Variants in HCN1 observed in about 807,000 individuals in gnomAD.
HCN1 encodes the protein hyperpolarization activated cyclic nucleotide gated potassium channel 1, also known as potassium/sodium hyperpolarization-activated cyclic nucleotide-gated channel 1.
Under a neutral mutation model 78.9 loss-of-function variants are expected in HCN1, and 13 were observed. That is an observed-to-expected ratio of 0.16 (90% confidence interval 0.11 to 0.26). HCN1 has a LOEUF of 0.26. Among genes scored for constraint, HCN1 ranks in the 10% least tolerant of loss-of-function variants. The pLI is 1.00. For synonymous variants in HCN1, 552 were observed against 455.5 expected (o/e 1.21, Z -2.70); for missense variants, 810 against 1,154.3 (o/e 0.70, Z 4.32).
intron 4 of HCN1, among the ~76,000 whole-genome samples, chr5:45,361,617 G>A (rs1747111342): frequency 6.6e-6 from 1 of 152,110 alleles, no homozygotes; most frequent in Non-Finnish European, 1.5e-5. Context: ...CTTCCATCCA[G>A]AATAATCTCT....
chr5:45,571,354 A>G (rs1353150492), intron 2 of HCN1, among the ~76,000 whole-genome samples: 1 of 152,164 alleles, frequency 6.6e-6, no homozygotes, highest in Admixed American at 6.6e-5. Flanking sequence ...CTGACTCTTA[A>G]AAAGAGAATC....
chr5:45,537,523 CTTTTTTTTTTTTTT>C (rs71000638), intron 2 of HCN1, among the ~76,000 whole-genome samples: 17 of 25,740 alleles, frequency 6.6e-4, no homozygotes, highest in South Asian at 3.9e-3. Context: ...AACTCTAAGT[CTTTTTTTTTTTTTT>C]TTTTTTTTTT....
chr5:45,493,572 G>A (rs993001010), intron 2 of HCN1, among the ~76,000 whole-genome samples: 2 of 150,328 alleles, frequency 1.3e-5, no homozygotes, highest in African/African-American at 4.9e-5. Flanking sequence ...TTTCAATTGT[G>A]TTTCTTTTTT....
chr5:45,615,041 T>C (rs1015443030), intron 2 of HCN1, among the ~76,000 whole-genome samples: 6 of 151,496 alleles, frequency 4.0e-5, no homozygotes, highest in African/African-American at 1.5e-4. Flanking sequence ...ATTGTCTCTA[T>C]ATCTCAATTG....
At chr5:45,363,666 G>T (rs1047154471) in intron 4 of HCN1, among the ~76,000 whole-genome samples, 10 of 151,896 alleles carry the variant, frequency 6.6e-5, no homozygotes, top group African/African-American at 2.2e-4. Flanking sequence ...GGACCCAGGG[G>T]GTGGTAATTA....
intron 3 of HCN1, among the ~76,000 whole-genome samples, chr5:45,453,479 T>A (rs573453074): frequency 1.3e-5 from 2 of 152,216 alleles, no homozygotes; most frequent in African/African-American, 4.8e-5. Flanking sequence ...CAAAACACAA[T>A]GACTTTTCAC....
intron 6 of HCN1, among the ~76,000 whole-genome samples, chr5:45,268,631 C>T (rs1290931488): frequency 2.0e-5 from 3 of 152,160 alleles, no homozygotes; most frequent in East Asian, 1.9e-4. Context: ...GAGAAGGACA[C>T]GTGAACCAGT....
intron 6 of HCN1, among the ~76,000 whole-genome samples, chr5:45,284,359 C>T (rs1023287759): frequency 1.3e-5 from 2 of 152,122 alleles, no homozygotes; most frequent in Admixed American, 6.6e-5. Context: ...CCCTTTCTTT[C>T]CTAACAAACA....
intron 3 of HCN1, among the ~76,000 whole-genome samples, chr5:45,451,928 C>T (rs1053736806): frequency 2.0e-5 from 3 of 151,972 alleles, no homozygotes; most frequent in African/African-American, 7.2e-5. Flanking sequence ...TCTAAATACA[C>T]ATCATTTGCT....
intron 4 of HCN1, among the ~76,000 whole-genome samples, chr5:45,379,635 A>G (rs1241588422): frequency 6.6e-6 from 1 of 152,140 alleles, no homozygotes; most frequent in African/African-American, 2.4e-5. Flanking sequence ...TTAAGAATAC[A>G]AATAAAACAT....
chr5:45,574,425 A>T (rs1743897749), intron 2 of HCN1, among the ~76,000 whole-genome samples: 1 of 152,108 alleles, frequency 6.6e-6, no homozygotes. Flanking sequence ...GCCATGTAAG[A>T]TGACAAACTT....
In HCN1 at chr5:45,455,414, T is replaced by C. The variant is rs1362619360; in HGVS notation, c.1011+6432A>G. 3.9e-5 allele frequency among the ~76,000 whole-genome samples: 6 copies of C among 151,996 alleles called. No homozygotes were observed. In the South Asian group the frequency reaches 1.0e-3, roughly 26 times the overall value. ...TATAGTTTTTAGTACCCAGAAAAGATAGTTTGAATAAAAGCATGTTAGAAT... is the reference window on the plus strand; with the variant it reads ...TATAGTTTTTAGTACCCAGAAAAGACAGTTTGAATAAAAGCATGTTAGAAT... On this transcript the variant is annotated intron_variant, in intron 3 of 7. Coordinates refer to ENST00000303230, the MANE Select transcript of HCN1 (RefSeq NM_021072.4).
intron 3 of HCN1, among the ~76,000 whole-genome samples, chr5:45,452,172 A>T (rs1740932466): frequency 6.6e-6 from 1 of 152,016 alleles, no homozygotes; most frequent in Non-Finnish European, 1.5e-5. Context: ...AATAAATGAT[A>T]ACAGTCCACA....
chr5:45,365,838 T>C (rs1043129954), intron 4 of HCN1, among the ~76,000 whole-genome samples: 6 of 151,930 alleles, frequency 3.9e-5, no homozygotes, highest in Non-Finnish European at 8.8e-5. Flanking sequence ...CACCTATTTG[T>C]TGTCATAAAA....
chr5:45,281,693 T>C (rs752833825), intron 6 of HCN1, among the ~76,000 whole-genome samples: 12 of 143,504 alleles, frequency 8.4e-5, no homozygotes, highest in Non-Finnish European at 1.5e-4. Flanking sequence ...GTTCAAGCAA[T>C]TATCCTGCCT....
chr5:45,645,108 C>A (rs1302288870), intron 2 of HCN1, 77 bp downstream of exon 2: 14 of 1,070,802 alleles, frequency 1.3e-5, no homozygotes, highest in Non-Finnish European at 2.0e-5. Flanking sequence ...TTACACATTG[C>A]ACAGTTGTTC....
intron 2 of HCN1, among the ~76,000 whole-genome samples, chr5:45,518,998 T>C (rs1742567580): frequency 6.6e-6 from 1 of 151,534 alleles, no homozygotes; most frequent in African/African-American, 2.4e-5. Flanking sequence ...TTAAAACAAA[T>C]ATATATAATT....
rs553823446 is a variant in HCN1 at position 45,583,944 on chromosome 5, T to A, written c.849+61241A>T. Among the ~76,000 whole-genome samples the A allele has an allele frequency of 5.3e-5, 8 of 152,314 alleles. No homozygotes were observed. The East Asian group carries it at 1.5e-3, about 29-fold the overall frequency. On this transcript the variant is annotated intron_variant, in intron 2 of 7. Coordinates refer to ENST00000303230, the MANE Select transcript of HCN1 (RefSeq NM_021072.4). ...TACATTTGTTGAGGAGTGCTTTACT[T>A]CCAACTATGTGGTCAATTTTGGAAT...
At chr5:45,688,621 T>C (rs1314232677) in intron 1 of HCN1, among the ~76,000 whole-genome samples, 1 of 152,122 alleles carries the variant, frequency 6.6e-6, no homozygotes, top group Admixed American at 6.6e-5. Context: ...TCTGTTATGA[T>C]GACCTAGAAA....
Sources: allele counts gnomAD v4.1 joint callset (sites outside exome capture counted in the v4.1 genomes callset), GRCh38; gene constraint gnomAD v4.1.1; transcripts MANE v1.5; gene names NCBI Gene and HGNC (gene_info 2026-07-23, HGNC 2026-07-21).